Variants in KCNMB4 observed in about 807,000 individuals in gnomAD.
The protein encoded by KCNMB4 is potassium calcium-activated channel subfamily M regulatory beta subunit 4, also known as calcium-activated potassium channel subunit beta-4.
Under a neutral mutation model 20.7 loss-of-function variants are expected in KCNMB4, and 3 were observed. The observed-to-expected ratio is 0.14, with a 90% CI of 0.07 to 0.37. The LOEUF (loss-of-function observed/expected upper bound fraction) is 0.37. KCNMB4 is among the 10% of genes least tolerant of loss of function. KCNMB4 has a pLI of 1.00. For missense variants in KCNMB4, 168 were observed against 265.9 expected (o/e 0.63, Z 2.56); for synonymous variants, 110 against 113.4 (o/e 0.97, Z 0.19).
chr12:70,400,423 G>A (rs1593336034), intron 2 of KCNMB4, 87 bp downstream of exon 2: 1 of 1,336,004 alleles, frequency 7.5e-7, no homozygotes, highest in East Asian at 2.4e-5. Context: ...ATGCCCACTT[G>A]ACAGCATGGA....
intron 2 of KCNMB4, chr12:70,422,759 A>T: frequency 7.8e-7 from 1 of 1,288,056 alleles, no homozygotes; most frequent in Non-Finnish European, 1.0e-6. Flanking sequence ...CATCTCCGGC[A>T]GGGGTTATCC....
rs182882184 is a variant in KCNMB4, at chr12:70,405,433, A to G, written c.464+5097A>G. ...CAGAGAAATGCAAATCAAAGCCACA[A>G]TGTAATGTCACCTCACGCCTCTCAG... On this transcript the variant is annotated intron_variant, in intron 2 of 2. Transcript: ENST00000258111. Among the ~76,000 whole-genome samples the G allele has an allele frequency of 1.9e-3, 286 of 152,342 alleles. 1 individual carries two copies. Among genetic ancestry groups the G allele is most frequent in the Middle Eastern group, 6.8e-3 (2 of 294 alleles).
intron 1 of KCNMB4, among the ~76,000 whole-genome samples, chr12:70,395,266 A>T (rs570160332): frequency 6.6e-6 from 1 of 152,158 alleles, no homozygotes; most frequent in Non-Finnish European, 1.5e-5. Flanking sequence ...AATGAAGTCA[A>T]TGGAAAACTG....
At chr12:70,389,138 A>G (rs1448324392) in intron 1 of KCNMB4, among the ~76,000 whole-genome samples, 1 of 152,106 alleles carries the variant, frequency 6.6e-6, no homozygotes, top group African/African-American at 2.4e-5. Context: ...ATATGATTCT[A>G]TCATAATTTT....
chr12:70,385,466 T>C (rs1024489344), intron 1 of KCNMB4, among the ~76,000 whole-genome samples: 1 of 152,358 alleles, frequency 6.6e-6, no homozygotes, highest in Admixed American at 6.5e-5. Flanking sequence ...ATGTTTTTAA[T>C]GAACATTTAT....
chr12:70,385,849 A>G (rs769587249), intron 1 of KCNMB4, among the ~76,000 whole-genome samples: 5 of 152,218 alleles, frequency 3.3e-5, no homozygotes, highest in Non-Finnish European at 5.9e-5. Flanking sequence ...TTTCTAAAAA[A>G]TAGACCAATT....
chr12:70,377,952 CTTT>C (rs112757781), intron 1 of KCNMB4, among the ~76,000 whole-genome samples: 13 of 141,710 alleles, frequency 9.2e-5, no homozygotes, highest in East Asian at 2.1e-4. Flanking sequence ...AGCTCTACTT[CTTT>C]TTTTTTTTTT....
chr12:70,378,761 T>C (rs1883732500), intron 1 of KCNMB4, among the ~76,000 whole-genome samples: 1 of 152,154 alleles, frequency 6.6e-6, no homozygotes, highest in Non-Finnish European at 1.5e-5. Flanking sequence ...GGTCTTGAAC[T>C]CCTGACCTCA....
chr12:70,406,902 A>AT (rs1021656945), intron 2 of KCNMB4, among the ~76,000 whole-genome samples: 1 of 152,164 alleles, frequency 6.6e-6, no homozygotes, highest in Admixed American at 6.5e-5. Context: ...GTATAAAAGT[A>AT]TTTTTTTGTA....
intron 1 of KCNMB4, among the ~76,000 whole-genome samples, chr12:70,384,390 C>T (rs547055520): frequency 2.0e-5 from 3 of 152,114 alleles, no homozygotes; most frequent in Admixed American, 6.5e-5. Context: ...TGGAGAGGAT[C>T]GATGTATTAA....
intron 1 of KCNMB4, among the ~76,000 whole-genome samples, chr12:70,396,482 T>A (rs1179684941): frequency 6.6e-6 from 1 of 152,110 alleles, no homozygotes; most frequent in Non-Finnish European, 1.5e-5. Flanking sequence ...ATTTTTGTAT[T>A]TTCAGTAGAG....
chr12:70,424,244 T>G (rs956747751), intron 2 of KCNMB4, among the ~76,000 whole-genome samples: 1 of 152,106 alleles, frequency 6.6e-6, no homozygotes, highest in African/African-American at 2.4e-5. Context: ...TTTAGTCAGA[T>G]AAGGGAAGAT....
intron 2 of KCNMB4, 57 bp from the exon 3 acceptor site, chr12:70,430,426 GTT>G: frequency 1.3e-6 from 2 of 1,584,604 alleles, no homozygotes; most frequent in African/African-American, 1.4e-5. Context: ...GTTGTAAAGA[GTT>G]TTTCAGTGCC....
intron 1 of KCNMB4, among the ~76,000 whole-genome samples, chr12:70,399,555 C>T (rs1868400630): frequency 6.6e-6 from 1 of 152,206 alleles, no homozygotes; most frequent in African/African-American, 2.4e-5. Context: ...TTCATTTTAA[C>T]ATCTGGACTT....
intron 2 of KCNMB4, among the ~76,000 whole-genome samples, chr12:70,409,753 T>C (rs1013621675): frequency 6.6e-6 from 1 of 152,160 alleles, no homozygotes; most frequent in African/African-American, 2.4e-5. Flanking sequence ...GGTAAAAAGC[T>C]AGGGGGAGAA....
chr12:70,416,630 G>T lies in KCNMB4; in HGVS notation c.465-13855G>T, dbSNP rs554058419. 6.6e-5 allele frequency among the ~76,000 whole-genome samples: 10 copies of T among 152,230 alleles called. No individual in the cohort carries two copies. In the South Asian group the frequency reaches 2.1e-3, roughly 32 times the overall value. ...TTGTAATCCTTCATTTAGGAAAAGA[G>T]CCTCAAAATTAATTTAGCTAATTTT... On this transcript the variant is annotated intron_variant, in intron 2 of 2. Coordinates refer to ENST00000258111, the MANE Select transcript of KCNMB4 (RefSeq NM_014505.6).
At chr12:70,425,034 A>G (rs1203216212) in intron 2 of KCNMB4, among the ~76,000 whole-genome samples, 3 of 152,234 alleles carry the variant, frequency 2.0e-5, no homozygotes, top group Non-Finnish European at 1.5e-5. Flanking sequence ...CATCTTGGAA[A>G]TCTTTTAAAA....
intron 2 of KCNMB4, among the ~76,000 whole-genome samples, chr12:70,407,225 A>G (rs1219508877): frequency 6.6e-6 from 1 of 152,140 alleles, no homozygotes; most frequent in African/African-American, 2.4e-5. Flanking sequence ...TATAAAGGAC[A>G]CAACTCAGGA....
intron 1 of KCNMB4, among the ~76,000 whole-genome samples, chr12:70,377,363 T>A (rs1883705652): frequency 6.6e-6 from 1 of 152,188 alleles, no homozygotes; most frequent in South Asian, 2.1e-4. Context: ...CCAGTACATA[T>A]AAAAATTACA....
Sources: allele counts gnomAD v4.1 joint callset (sites outside exome capture counted in the v4.1 genomes callset), GRCh38; gene constraint gnomAD v4.1.1; transcripts MANE v1.5; gene names NCBI Gene and HGNC (gene_info 2026-07-23, HGNC 2026-07-21).